Variants in NPHP1 observed in about 807,000 individuals in gnomAD.
NPHP1 encodes the protein nephrocystin 1.
NPHP1 carries 70 observed loss-of-function variants against 90.4 expected under a neutral mutation model. That is an observed-to-expected ratio of 0.77 (90% CI 0.64 to 0.95). The LOEUF is 0.95. NPHP1 is among the 40% of genes least tolerant of loss of function. The probability of loss-of-function intolerance (pLI) is 0.00; values close to 1 mark genes in which losing one functional copy is unlikely to be tolerated. For missense variants in NPHP1, 764 were observed against 795.9 expected (o/e 0.96, Z 0.48); for synonymous variants, 256 against 271.7 (o/e 0.94, Z 0.57).
At chr2:110,198,048 G>A (rs970950572) in intron 2 of NPHP1, among the ~76,000 whole-genome samples, 1 of 151,980 alleles carries the variant, frequency 6.6e-6, no homozygotes, top group African/African-American at 2.4e-5. Context: ...TGATTAAAAC[G>A]TTTGAAAAGG....
chr2:110,162,164 G>A (rs543030483), intron 9 of NPHP1, among the ~76,000 whole-genome samples: 4 of 152,244 alleles, frequency 2.6e-5, no homozygotes, highest in Admixed American at 1.3e-4. Context: ...CTTGCCAGAT[G>A]CTACACCAGG....
At chr2:110,181,308 G>T (rs1683891166) in intron 2 of NPHP1, among the ~76,000 whole-genome samples, 1 of 152,108 alleles carries the variant, frequency 6.6e-6, no homozygotes, top group Admixed American at 6.5e-5. Flanking sequence ...TCTTTAAGTG[G>T]GTCTGTAATC....
intron 16 of NPHP1, among the ~76,000 whole-genome samples, chr2:110,139,974 G>A (rs1445733050): frequency 1.3e-5 from 2 of 152,108 alleles, no homozygotes; most frequent in Non-Finnish European, 2.9e-5. Flanking sequence ...ATGTCCAAAA[G>A]GGCCCAGGCT....
intron 4 of NPHP1, among the ~76,000 whole-genome samples, chr2:110,174,821 T>A: frequency 6.6e-6 from 1 of 151,908 alleles, no homozygotes; most frequent in East Asian, 1.9e-4. Context: ...TTTGTGCTTT[T>A]TTTTTTTTTT....
chr2:110,202,543 C>G (rs183026703), intron 1 of NPHP1: 1 of 399,434 alleles, frequency 2.5e-6, no homozygotes, highest in Admixed American at 2.4e-5. Flanking sequence ...GTCAAGGTAT[C>G]AAAAGGCTCC....
intron 2 of NPHP1, among the ~76,000 whole-genome samples, chr2:110,196,432 A>T (rs1685171141): frequency 6.6e-6 from 1 of 152,210 alleles, no homozygotes; most frequent in South Asian, 2.1e-4. Context: ...CATCAGGGAA[A>T]TGCAAATCAA....
In NPHP1 at chr2:110,168,464, T is replaced by A; in HGVS notation, c.612A>T (p.Arg204Ser). ...AACCAAGACTAACCTCTAGGTAGGT[T>A]CTGGGAACAAGACCTTCATTTCCTT... ...DAKGNEGLVP[R>S]TYLEPYSEEE... Residue 204 changes from arginine (R) to serine (S), a missense_variant, in exon 6 of 20, where the codon AGA becomes AGT. Transcript: ENST00000445609. 1 of 1,611,238 alleles carries A rather than the reference T, an allele frequency of 6.2e-7. No homozygotes were observed. The highest frequency in any genetic ancestry group is 8.5e-7 in the Non-Finnish European group (1 of 1,177,436).
intron 2 of NPHP1, among the ~76,000 whole-genome samples, chr2:110,183,702 A>G (rs776519770): frequency 3.3e-5 from 5 of 152,120 alleles, no homozygotes; most frequent in Non-Finnish European, 7.4e-5. Context: ...ATACAATAAT[A>G]GTGGGAGACT....
At chr2:110,187,142 A>G (rs1346604764) in intron 2 of NPHP1, among the ~76,000 whole-genome samples, 3 of 152,130 alleles carry the variant, frequency 2.0e-5, no homozygotes, top group Non-Finnish European at 4.4e-5. Context: ...CAAACCCTAA[A>G]GCTAGCAGAA....
Position 110,131,781 on chromosome 2 carries a change from C to A in NPHP1, c.1540G>T (p.Glu514Ter). 1.3e-6 allele frequency: 2 copies of A among 1,595,432 alleles called. No individual in the cohort carries two copies. Among genetic ancestry groups the A allele is most frequent in the Non-Finnish European group, 1.7e-6 (2 of 1,163,254 alleles). ...RSRNVLSLLP[E>*]TLIGNMCSIH... ...GAACACATATTTCCAATTAATGTTT[C>A]TGGCAGTAGACTATTAAAGAAGAAA... is the stretch of plus-strand genomic sequence containing the variant. Residue 514 changes from glutamate to a stop codon, truncating the protein, a stop_gained, in exon 17 of 20, where the codon GAA becomes TAA. Coordinates refer to ENST00000445609, the MANE Select transcript of NPHP1 (RefSeq NM_001128178.3). LOFTEE classifies it high-confidence loss of function.
At chr2:110,204,822 C>G in intron 1 of NPHP1, 78 bp downstream of exon 1, 2 of 1,469,492 alleles carry the variant, frequency 1.4e-6, no homozygotes, top group Non-Finnish European at 1.9e-6. Flanking sequence ...TAGGTGGGGT[C>G]ACGGTGGGAA....
intron 17 of NPHP1, 78 bp from the exon 18 acceptor site, chr2:110,129,337 C>G (rs1679613896): frequency 9.5e-7 from 1 of 1,049,292 alleles, no homozygotes; most frequent in African/African-American, 1.6e-5. Flanking sequence ...CAAAAATATT[C>G]AGATGAAAAT....
At chr2:110,193,335 A>G (rs911028157) in intron 2 of NPHP1, among the ~76,000 whole-genome samples, 2 of 152,104 alleles carry the variant, frequency 1.3e-5, no homozygotes, top group African/African-American at 4.8e-5. Context: ...ATGGAAAACA[A>G]AAAAAGGCAG....
In NPHP1 at chr2:110,125,629, T is replaced by C. The variant is rs1285328232; in HGVS notation, c.1761+8A>G. The C allele has an allele frequency of 6.2e-7, 1 of 1,610,976 alleles. No homozygotes were observed. The highest frequency in any genetic ancestry group is 1.7e-5 in the Admixed American group (1 of 60,000). ...ATATGGAGTTCAGTGTGGAGACTCA[T>C]ATTTTACCTTCTCTGATCTTTTTAA... is the stretch of plus-strand genomic sequence containing the variant. On this transcript the variant is annotated splice_region_variant and intron_variant, in intron 19 of 19. Coordinates refer to ENST00000445609, the MANE Select transcript of NPHP1 (RefSeq NM_001128178.3).
At chr2:110,191,098 G>A (rs1177110934) in intron 2 of NPHP1, among the ~76,000 whole-genome samples, 1 of 152,162 alleles carries the variant, frequency 6.6e-6, no homozygotes, top group Non-Finnish European at 1.5e-5. Flanking sequence ...TGACGCAGAA[G>A]ATGAATGATT....
chr2:110,145,987 G>C (rs1681015340), intron 14 of NPHP1, among the ~76,000 whole-genome samples: 2 of 152,146 alleles, frequency 1.3e-5, no homozygotes, highest in South Asian at 4.1e-4. Flanking sequence ...TTTGGAGTAG[G>C]AATTATTACA....
At chr2:110,198,330 G>T (rs1685309127) in intron 2 of NPHP1, among the ~76,000 whole-genome samples, 1 of 152,050 alleles carries the variant, frequency 6.6e-6, no homozygotes. Flanking sequence ...AGTGGCTGGG[G>T]TTTACTTTAT....
intron 2 of NPHP1, among the ~76,000 whole-genome samples, chr2:110,180,967 G>C (rs1036432111): frequency 6.6e-6 from 1 of 152,154 alleles, no homozygotes; most frequent in Non-Finnish European, 1.5e-5. Flanking sequence ...CCCAGCAAGG[G>C]GGGATATCCA....
chr2:110,180,702 G>A (rs1251104120), intron 2 of NPHP1, among the ~76,000 whole-genome samples: 1 of 152,064 alleles, frequency 6.6e-6, no homozygotes, highest in African/African-American at 2.4e-5. Context: ...AGGGGAACAA[G>A]AGCCAACCTG....
Sources: gnomAD v4.1 joint callset for allele counts (sites outside exome capture counted in the v4.1 genomes callset) on GRCh38, gnomAD v4.1.1 for gene constraint, MANE v1.5 for transcripts, NCBI Gene and HGNC (gene_info 2026-07-23, HGNC 2026-07-21) for gene names.